CFAP54: variants seen among roughly 807,000 people sequenced by gnomAD.
The protein encoded by CFAP54 is cilia and flagella associated protein 54.
A neutral mutation model predicts 370.4 loss-of-function variants in CFAP54; 290 were observed. That is an observed-to-expected ratio of 0.78 (90% CI 0.71 to 0.86). The LOEUF (loss-of-function observed/expected upper bound fraction) is 0.86, where lower values mean the gene tolerates loss of function less well. Among genes scored for constraint, CFAP54 ranks in the 40% least tolerant of loss-of-function variants. CFAP54 has a pLI of 0.00. For synonymous variants in CFAP54, 1,206 were observed against 1,236.5 expected, an observed-to-expected ratio of 0.98 and a Z score of 0.52; for missense variants, 3,399 against 3,528.7, an observed-to-expected ratio of 0.96 and a Z score of 0.93.
At chr12:96,604,338 G>T (rs899111828) in intron 26 of CFAP54, among the ~76,000 whole-genome samples, 3 of 152,194 alleles carry the variant, frequency 2.0e-5, no homozygotes, top group Non-Finnish European at 4.4e-5. Flanking sequence ...TCGTTCCAGA[G>T]GGGCACCTGC....
intron 50 of CFAP54, among the ~76,000 whole-genome samples, chr12:96,725,835 T>G (rs1378492160): frequency 2.6e-5 from 4 of 151,950 alleles, no homozygotes; most frequent in African/African-American, 9.7e-5. Flanking sequence ...CTCTTATTAT[T>G]TTGAGATATG....
chr12:96,711,150 G>A (rs11108645), intron 48 of CFAP54, among the ~76,000 whole-genome samples: 10,954 of 152,026 alleles, frequency 0.072, 801 homozygotes, highest in East Asian at 0.44. Flanking sequence ...GTCTTTCTAG[G>A]AATTCATCCA....
intron 19 of CFAP54, among the ~76,000 whole-genome samples, chr12:96,565,552 G>A (rs1592853722): frequency 6.6e-6 from 1 of 151,990 alleles, no homozygotes; most frequent in East Asian, 1.9e-4. Flanking sequence ...GAGCTAAAGG[G>A]GTTTAATGAG....
intron 38 of CFAP54, among the ~76,000 whole-genome samples, chr12:96,663,625 T>C (rs1957021608): frequency 6.6e-6 from 1 of 152,230 alleles, no homozygotes; most frequent in African/African-American, 2.4e-5. Context: ...CCAGCTGTGC[T>C]GTACAAAAGA....
In CFAP54 at chr12:96,771,192, A is replaced by C. The variant is rs191992662; in HGVS notation, c.8281+5974A>C. Among the ~76,000 whole-genome samples, 361 of 152,334 alleles carry C rather than the reference A, an allele frequency of 2.4e-3. 1 individual carries two copies. The highest frequency in any genetic ancestry group is 3.7e-3 in the Non-Finnish European group (249 of 68,028). ...GATGGAACTGGGACTTCAGTACCAGACTCAAGGAACAGTCTGGAAAGAGGG... is the reference window on the plus strand; with the variant it reads ...GATGGAACTGGGACTTCAGTACCAGCCTCAAGGAACAGTCTGGAAAGAGGG... On this transcript the variant is annotated intron_variant, in intron 60 of 67. Transcript: ENST00000524981.
intron 32 of CFAP54, among the ~76,000 whole-genome samples, chr12:96,639,644 C>T (rs980649533): frequency 6.6e-6 from 1 of 152,202 alleles, no homozygotes; most frequent in African/African-American, 2.4e-5. Flanking sequence ...AATTTTAGAG[C>T]AGTATCCCTG....
intron 17 of CFAP54, among the ~76,000 whole-genome samples, chr12:96,558,455 T>G (rs548938747): frequency 1.4e-3 from 207 of 152,200 alleles, no homozygotes; most frequent in Non-Finnish European, 1.9e-3. Context: ...AGGATACAAC[T>G]TTACTGGAGG....
At chr12:96,497,588 G>C (rs1400762761) in intron 1 of CFAP54, among the ~76,000 whole-genome samples, 1 of 152,164 alleles carries the variant, frequency 6.6e-6, no homozygotes, top group East Asian at 1.9e-4. Flanking sequence ...TGCCAGGCGT[G>C]ACCCATGGTC....
chr12:96,811,515 TATC>T (rs1446260008), intron 63 of CFAP54, among the ~76,000 whole-genome samples: 3 of 152,290 alleles, frequency 2.0e-5, no homozygotes, highest in South Asian at 4.1e-4. Flanking sequence ...TCAAAAATAA[TATC>T]ATATTGTTAC....
rs1955749913 is a variant in CFAP54 at position 96,556,247 on chromosome 12, T to C, written c.2410+1445T>C. On this transcript the variant is annotated intron_variant, in intron 17 of 67. Coordinates refer to ENST00000524981, the MANE Select transcript of CFAP54 (RefSeq NM_001306084.2). ...AAGTGCTGATCCTAAAAGAAAAAAA[T>C]GAATACATTAATACATTTGGCTGCA... Among the ~76,000 whole-genome samples, 4 of 151,546 alleles carry C rather than the reference T, an allele frequency of 2.6e-5. No individual in the cohort carries two copies. In the South Asian group the frequency reaches 8.3e-4, roughly 32 times the overall value.
intron 23 of CFAP54, among the ~76,000 whole-genome samples, chr12:96,592,075 G>C (rs1007597403): frequency 1.3e-5 from 2 of 151,904 alleles, no homozygotes; most frequent in Admixed American, 1.3e-4. Context: ...ATACCTAAGG[G>C]TCTAGAACAG....
intron 66 of CFAP54, among the ~76,000 whole-genome samples, chr12:96,857,655 G>A (rs1252859222): frequency 1.3e-5 from 2 of 152,122 alleles, no homozygotes; most frequent in Non-Finnish European, 2.9e-5. Flanking sequence ...GGAGGTGATT[G>A]GATAATGGGA....
intron 67 of CFAP54, among the ~76,000 whole-genome samples, chr12:96,874,156 A>G (rs1233310259): frequency 2.0e-5 from 3 of 152,224 alleles, no homozygotes; most frequent in Admixed American, 2.0e-4. Context: ...TAAACTTAAC[A>G]TGATCAAAAT....
chr12:96,513,155 T>C (rs1355468643), intron 5 of CFAP54, 111 bp downstream of exon 5: 2 of 386,636 alleles, frequency 5.2e-6, no homozygotes, highest in African/African-American at 4.2e-5. Context: ...TGGAGAATTA[T>C]ATAATATAAA....
intron 47 of CFAP54, among the ~76,000 whole-genome samples, chr12:96,707,245 A>C (rs1003444321): frequency 2.0e-5 from 3 of 147,466 alleles, no homozygotes; most frequent in African/African-American, 5.0e-5. Context: ...ACAATAATAC[A>C]CTGAGTCTTT....
intron 2 of CFAP54, among the ~76,000 whole-genome samples, chr12:96,503,008 CCTCT>C (rs1955047695): frequency 1.3e-5 from 2 of 151,690 alleles, no homozygotes; most frequent in East Asian, 3.9e-4. Flanking sequence ...TCTCTTCCTT[CCTCT>C]CTCCCTCCCT....
At chr12:96,620,299 G>A (rs1045034212) in intron 26 of CFAP54, among the ~76,000 whole-genome samples, 3 of 152,112 alleles carry the variant, frequency 2.0e-5, no homozygotes, top group South Asian at 2.1e-4. Context: ...CCCACATGTC[G>A]TAGGAGGGAC....
At chr12:96,775,906 T>G (rs1958513101) in intron 60 of CFAP54, among the ~76,000 whole-genome samples, 1 of 152,220 alleles carries the variant, frequency 6.6e-6, no homozygotes, top group East Asian at 1.9e-4. Context: ...GAAATAATTT[T>G]ATTTTAAATA....
intron 65 of CFAP54, among the ~76,000 whole-genome samples, chr12:96,822,740 G>T (rs1156304317): frequency 6.6e-6 from 1 of 152,148 alleles, no homozygotes; most frequent in Non-Finnish European, 1.5e-5. Flanking sequence ...ATCCCAGGGG[G>T]AATCCTTTAG....
Sources: gnomAD v4.1 joint callset for allele counts (sites outside exome capture counted in the v4.1 genomes callset) on GRCh38, gnomAD v4.1.1 for gene constraint, MANE v1.5 for transcripts, NCBI Gene and HGNC (gene_info 2026-07-23, HGNC 2026-07-21) for gene names.